ATP2B2: variants seen among roughly 807,000 people sequenced by gnomAD.
ATP2B2 encodes plasma membrane calcium-transporting ATPase 2.
Under a neutral mutation model 120.0 loss-of-function variants are expected in ATP2B2, and 15 were observed. The ratio of observed to expected loss-of-function variants is 0.12; its 90% CI spans 0.08 to 0.19. The LOEUF is 0.19. Among genes scored for constraint, ATP2B2 ranks in the 10% least tolerant of loss-of-function variants. ATP2B2 has a pLI of 1.00. For synonymous variants in ATP2B2, 694 were observed against 700.3 expected (o/e 0.99, Z 0.14); for missense variants, 1,045 against 1,719.8 (o/e 0.61, Z 6.94).
intron 1 of ATP2B2, among the ~76,000 whole-genome samples, chr3:10,646,121 G>C (rs185050064): frequency 6.6e-6 from 1 of 152,148 alleles, no homozygotes; most frequent in South Asian, 2.1e-4. Context: ...AGAGAGTTCT[G>C]GCCGATATCA....
intron 2 of ATP2B2, among the ~76,000 whole-genome samples, chr3:10,443,103 C>T (rs982202595): frequency 2.0e-5 from 3 of 152,176 alleles, no homozygotes; most frequent in African/African-American, 4.8e-5. Flanking sequence ...CTAACGGTGC[C>T]GTGGTTTGGC....
At chr3:10,502,980 A>G (rs1199300191) in intron 1 of ATP2B2, among the ~76,000 whole-genome samples, 2 of 152,184 alleles carry the variant, frequency 1.3e-5, no homozygotes, top group Non-Finnish European at 2.9e-5. Context: ...GGACGTGGGG[A>G]TAACAGGGCT....
intron 2 of ATP2B2, among the ~76,000 whole-genome samples, chr3:10,443,001 T>G (rs2125150248): frequency 6.6e-6 from 1 of 152,362 alleles, no homozygotes; most frequent in Admixed American, 6.5e-5. Flanking sequence ...TGCACCATGA[T>G]ACCAAGTTGG....
intron 2 of ATP2B2, among the ~76,000 whole-genome samples, chr3:10,547,002 C>T (rs1203465436): frequency 1.2e-4 from 18 of 152,200 alleles, no homozygotes; most frequent in African/African-American, 4.3e-4. Context: ...CACACACCAA[C>T]TCAGAGGCAA....
intron 2 of ATP2B2, among the ~76,000 whole-genome samples, chr3:10,548,511 G>A (rs2067598792): frequency 6.6e-6 from 1 of 152,174 alleles, no homozygotes; most frequent in Non-Finnish European, 1.5e-5. Context: ...AATGATTGAT[G>A]GGTGTTGGCA....
At chr3:10,345,325 G>A in intron 18 of ATP2B2, 59 bp downstream of exon 18, 1 of 1,589,998 alleles carries the variant, frequency 6.3e-7, no homozygotes, top group Non-Finnish European at 8.6e-7. Context: ...AGGCCCCCGA[G>A]CCTCTGTGGG....
At position 10,420,245 on chromosome 3, in the gene ATP2B2, G is replaced by A. The variant is rs914737331; in HGVS notation, c.200-9430C>T. On this transcript the variant is annotated intron_variant, in intron 2 of 22. Transcript: ENST00000360273. ...TGCTGGGACTGTGGGAAGCCATACC[G>A]CTTCAAGACAAAGCAATGAAATGGG... Among the ~76,000 whole-genome samples the A allele has an allele frequency of 5.3e-5, 8 of 152,348 alleles. No individual in the cohort carries two copies. In the East Asian group the frequency reaches 5.8e-4, roughly 11 times the overall value.
chr3:10,467,420 G>A (rs1406265478), intron 1 of ATP2B2, among the ~76,000 whole-genome samples: 1 of 152,102 alleles, frequency 6.6e-6, no homozygotes, highest in Admixed American at 6.5e-5. Context: ...CCCACTCTCC[G>A]GGCAGTCAGC....
At chr3:10,630,957 G>C (rs1260937703) in intron 1 of ATP2B2, among the ~76,000 whole-genome samples, 2 of 152,186 alleles carry the variant, frequency 1.3e-5, no homozygotes, top group Non-Finnish European at 2.9e-5. Flanking sequence ...GGTAGAGAAA[G>C]AATTATTTCT....
chr3:10,663,358 C>T (rs2070838921), intron 1 of ATP2B2, among the ~76,000 whole-genome samples: 1 of 152,138 alleles, frequency 6.6e-6, no homozygotes, highest in Non-Finnish European at 1.5e-5. Context: ...AATGGGAGCA[C>T]TCCCAGGGGA....
intron 2 of ATP2B2, among the ~76,000 whole-genome samples, chr3:10,615,652 C>A (rs2069364997): frequency 6.6e-6 from 1 of 152,198 alleles, no homozygotes; most frequent in African/African-American, 2.4e-5. Flanking sequence ...ACTCAGCAAC[C>A]ATCACCATCC....
At chr3:10,543,741 T>C (rs1212490715) in intron 2 of ATP2B2, among the ~76,000 whole-genome samples, 1 of 112,856 alleles carries the variant, frequency 8.9e-6, no homozygotes, top group East Asian at 2.1e-4. Context: ...TTCTTCATAA[T>C]TTTTTTTTTT....
At chr3:10,546,619 G>A (rs1275067518) in intron 2 of ATP2B2, among the ~76,000 whole-genome samples, 1 of 152,164 alleles carries the variant, frequency 6.6e-6, no homozygotes, top group Non-Finnish European at 1.5e-5. Flanking sequence ...CCCTTCTGAG[G>A]TCCCTACCTT....
At chr3:10,665,111 G>T (rs1052636421) in intron 1 of ATP2B2, among the ~76,000 whole-genome samples, 2 of 152,152 alleles carry the variant, frequency 1.3e-5, no homozygotes, top group Non-Finnish European at 2.9e-5. Context: ...AATGAAAATT[G>T]ATCCATGTCA....
chr3:10,651,394 T>A (rs974681903), intron 1 of ATP2B2, among the ~76,000 whole-genome samples: 2 of 152,164 alleles, frequency 1.3e-5, no homozygotes, highest in African/African-American at 4.8e-5. Flanking sequence ...AGTGAATAAG[T>A]CTCACAAGAT....
At position 10,451,569 on chromosome 3, in the gene ATP2B2, G is replaced by A. The variant is rs567240056; in HGVS notation, c.-319-1707C>T. Among the ~76,000 whole-genome samples, 7 of 152,288 alleles carry A rather than the reference G, an allele frequency of 4.6e-5. No individual in the cohort carries two copies. The South Asian group carries it at 1.2e-3, about 27-fold the overall frequency. ...TGGAGCCACAGGAGAAACCTTAAAT[G>A]TCTTACACAAGGGACGCTTTTACTC... On this transcript the variant is annotated intron_variant, in intron 1 of 22. Coordinates refer to ENST00000360273, the MANE Select transcript of ATP2B2 (RefSeq NM_001001331.4).
chr3:10,376,255 T>C (rs1470097650), intron 10 of ATP2B2, among the ~76,000 whole-genome samples: 1 of 152,030 alleles, frequency 6.6e-6, no homozygotes. Context: ...TGACACATTG[T>C]GAAGAAAAAG....
chr3:10,692,075 A>G (rs1320387548), intron 1 of ATP2B2, among the ~76,000 whole-genome samples: 2 of 152,240 alleles, frequency 1.3e-5, no homozygotes, highest in Non-Finnish European at 2.9e-5. Context: ...TTTACGAATT[A>G]TATTAAATCA....
In ATP2B2 at chr3:10,328,915, T is replaced by C; in HGVS notation, c.3631A>G (p.Ser1211Gly). ...SPPSSLNKNN[S>G]AIDSGINLTT... ...AGGTTGATCCCACTGTCGATGGCGC[T>C]GTTGTTCTTGTTGAGGGATGACGGC... Residue 1211 changes from serine (S) to glycine (G), a missense_variant, in exon 23 of 23, where the codon AGC (serine) becomes GGC (glycine). This residue lies in a region of ATP2B2 where 211 missense variants were observed against 385.1 expected (regional missense o/e 0.55). Coordinates refer to ENST00000360273, the MANE Select transcript of ATP2B2 (RefSeq NM_001001331.4). The C allele has an allele frequency of 6.2e-7, 1 of 1,613,794 alleles. No homozygotes were observed. The highest frequency in any genetic ancestry group is 8.5e-7 in the Non-Finnish European group (1 of 1,179,956).
Sources: gnomAD v4.1 joint callset for allele counts (sites outside exome capture counted in the v4.1 genomes callset) on GRCh38, gnomAD v4.1.1 for gene constraint, gnomAD v4.1.1 regional missense constraint, MANE v1.5 for transcripts, NCBI Gene and HGNC (gene_info 2026-07-23, HGNC 2026-07-21) for gene names.